The following KIF17 variants were observed in gnomAD, a reference collection of about 807,000 sequenced individuals.
KIF17 encodes kinesin family member 17.
A neutral mutation model predicts 96.8 loss-of-function variants in KIF17; 80 were observed. The observed-to-expected ratio is 0.83, with a 90% CI of 0.69 to 1.00. KIF17 has a LOEUF of 1.00. Among genes scored for constraint, KIF17 ranks in the 50% least tolerant of loss-of-function variants. The pLI is 0.00. For synonymous variants in KIF17, 567 were observed against 587.5 expected, an observed-to-expected ratio of 0.97 and a Z score of 0.51; for missense variants, 1,280 against 1,372.9, an observed-to-expected ratio of 0.93 and a Z score of 1.07.
Position 20,687,087 on chromosome 1 carries a change from A to G in KIF17, c.1938+301T>C, listed in dbSNP as rs571900151. 2.6e-5 allele frequency among the ~76,000 whole-genome samples: 4 copies of G among 152,170 alleles called. No homozygotes were observed. Among genetic ancestry groups the G allele is most frequent in the Non-Finnish European group, 5.9e-5 (4 of 68,034 alleles). ...TCACTGTAACCATGGCAACTGGGCA[A>G]ACGCCCTGTACAGCTGTCCCTCCAT... On this transcript the variant is annotated intron_variant, in intron 8 of 14. Transcript: ENST00000400463. The surrounding 1 kb of genome is among the most constrained non-coding windows in gnomAD (Gnocchi z 4.4).
At position 20,673,849 on chromosome 1, in the gene KIF17, G is replaced by A. The variant is rs2053691520; in HGVS notation, c.2464-1653C>T. On this transcript the variant is annotated intron_variant, in intron 11 of 14. Coordinates refer to ENST00000400463, the MANE Select transcript of KIF17 (RefSeq NM_001122819.3). ...CGGCCCTGCTCCATTTCTTAGACTG[G>A]GTAGTAAGCACGTGGTGTTAGTGGG... Among the ~76,000 whole-genome samples, 7 of 151,956 alleles carry A rather than the reference G, an allele frequency of 4.6e-5. 1 individual carries two copies. In the South Asian group the frequency reaches 1.5e-3, roughly 32 times the overall value.
chr1:20,686,637 C>T (rs1460367001), intron 8 of KIF17, among the ~76,000 whole-genome samples: 2 of 152,132 alleles, frequency 1.3e-5, no homozygotes, highest in East Asian at 3.9e-4. Context: ...CTCACTGCAA[C>T]CTCCGTCTCC....
intron 11 of KIF17, among the ~76,000 whole-genome samples, chr1:20,676,102 C>T (rs1260121195): frequency 6.6e-6 from 1 of 152,106 alleles, no homozygotes; most frequent in Non-Finnish European, 1.5e-5. Flanking sequence ...TAAACTCTAA[C>T]TAGATCATTA....
At chr1:20,675,166 G>T (rs1289003477) in intron 11 of KIF17, among the ~76,000 whole-genome samples, 2 of 142,182 alleles carry the variant, frequency 1.4e-5, no homozygotes, top group Non-Finnish European at 3.0e-5. Context: ...AAAAAAAAAG[G>T]GCCGGGTGCG....
chr1:20,716,625 G>A (rs990884571), intron 1 of KIF17, among the ~76,000 whole-genome samples: 1 of 152,198 alleles, frequency 6.6e-6, no homozygotes, highest in Non-Finnish European at 1.5e-5. Context: ...CCAGGCTGAG[G>A]GGTCAGCTTG....
At chr1:20,682,367 T>G (rs2053844784) in intron 11 of KIF17, among the ~76,000 whole-genome samples, 1 of 151,976 alleles carries the variant, frequency 6.6e-6, no homozygotes, top group African/African-American at 2.4e-5. Context: ...TCCAAAAAAT[T>G]TAATAAAGTA....
intron 13 of KIF17, among the ~76,000 whole-genome samples, chr1:20,667,913 G>A (rs1476193799): frequency 6.6e-6 from 1 of 152,196 alleles, no homozygotes; most frequent in African/African-American, 2.4e-5. Context: ...TGGAGGCTGA[G>A]GCAAGAGGAT....
At chr1:20,707,219 A>T (rs2054358159) in intron 4 of KIF17, among the ~76,000 whole-genome samples, 1 of 152,204 alleles carries the variant, frequency 6.6e-6, no homozygotes, top group South Asian at 2.1e-4. Context: ...ACCGAGTCTG[A>T]GGAAATGACT....
At chr1:20,691,895 C>T (rs2054045752) in intron 6 of KIF17, among the ~76,000 whole-genome samples, 1 of 152,206 alleles carries the variant, frequency 6.6e-6, no homozygotes, top group Admixed American at 6.5e-5. Context: ...TGGTCCTCAA[C>T]CCATCAATGA....
Position 20,690,352 on chromosome 1 carries a change from G to GGGCCGCC in KIF17, c.1234-18_1234-17insGGCGGCC. 6.6e-6 allele frequency: 3 copies of GGGCCGCC among 451,160 alleles called. No homozygotes were observed. The highest frequency in any genetic ancestry group is 1.3e-5 in the Non-Finnish European group (3 of 235,142). 27.9% of individuals were successfully genotyped at this position (451,160 alleles called of 1,614,324 possible). On this transcript the variant is annotated splice_polypyrimidine_tract_variant and intron_variant, in intron 6 of 14. Coordinates refer to ENST00000400463, the MANE Select transcript of KIF17 (RefSeq NM_001122819.3). ...TTCATACTCCTGGGGGGGTGGGAGG[G>GGGCCGCC]ACCAGAGGGCAGGCAGCATTTTATC... is the stretch of plus-strand genomic sequence containing the variant.
At chr1:20,683,821 G>C (rs999189785) in intron 10 of KIF17, among the ~76,000 whole-genome samples, 1 of 152,162 alleles carries the variant, frequency 6.6e-6, no homozygotes. Flanking sequence ...GCCCGGGCCG[G>C]GTCCCACCTC....
intron 11 of KIF17, among the ~76,000 whole-genome samples, chr1:20,674,463 C>G (rs964318038): frequency 2.0e-5 from 3 of 152,070 alleles, no homozygotes; most frequent in African/African-American, 4.8e-5. Context: ...AGGGTTTCCC[C>G]CATGTTGTCC....
intron 11 of KIF17, among the ~76,000 whole-genome samples, chr1:20,679,323 T>A (rs1265837649): frequency 4.6e-5 from 7 of 151,300 alleles, no homozygotes; most frequent in South Asian, 2.1e-4. Flanking sequence ...ATAATAATAA[T>A]AAAAAAATTA....
At chr1:20,677,104 G>A (rs1475916088) in intron 11 of KIF17, among the ~76,000 whole-genome samples, 8 of 152,284 alleles carry the variant, frequency 5.3e-5, no homozygotes, top group African/African-American at 1.4e-4. Flanking sequence ...CCAGCTATTC[G>A]GGAGGCTGAG....
intron 11 of KIF17, among the ~76,000 whole-genome samples, chr1:20,675,150 CAAA>C (rs35262169): frequency 3.5e-5 from 4 of 115,776 alleles, no homozygotes; most frequent in Admixed American, 9.2e-5. Context: ...GACTCCATCT[CAAA>C]AAAAAAAAAA....
Position 20,717,698 on chromosome 1 carries a change from G to A in KIF17, c.9C>T (p.Ser3=). 6.3e-7 allele frequency: 1 copy of A among 1,588,780 alleles called. No homozygotes were observed. The highest frequency in any genetic ancestry group is 8.5e-7 in the Non-Finnish European group (1 of 1,173,982). Residue 3 remains serine, a synonymous_variant, in exon 1 of 15, where the codon TCC becomes TCT. Transcript: ENST00000400463. The part of the protein sequence containing the change: MA[S]EAVKVVVRCR... ...AGCGCACGACAACCTTCACCGCCTC[G>A]GAGGCCATGGCGCCGCGCCCAGGAC...
Position 20,666,197 on chromosome 1 carries a change from A to T in KIF17, c.2908+17T>A. 6.4e-7 allele frequency: 1 copy of T among 1,570,214 alleles called. No homozygotes were observed. Among genetic ancestry groups the T allele is most frequent in the Non-Finnish European group, 8.8e-7 (1 of 1,140,014 alleles). ...CCAGTTGTGTGGAGAGGGTGGGGAC[A>T]GGGGAGGGACACTCACTGAGGCTCT... On this transcript the variant is annotated intron_variant, in intron 14 of 14. Coordinates refer to ENST00000400463, the MANE Select transcript of KIF17 (RefSeq NM_001122819.3).
chr1:20,685,049 G>A lies in KIF17; in HGVS notation c.2020-29C>T, dbSNP rs762662681. The A allele has an allele frequency of 4.5e-6, 7 of 1,548,846 alleles. No individual in the cohort carries two copies. The highest frequency in any genetic ancestry group is 5.3e-6 in the Non-Finnish European group (6 of 1,141,496). On this transcript the variant is annotated intron_variant, in intron 9 of 14. Coordinates refer to ENST00000400463, the MANE Select transcript of KIF17 (RefSeq NM_001122819.3). This position sits in a 1 kb window ranked among gnomAD's most constrained non-coding sequence, Gnocchi z 4.1. Reference sequence around the variant, plus strand: ...AGTGTGAAGAGAAACCCAGGTGGAGGTGGGAAGGCCGCCCCAACCCCCGCC... The same window carrying A: ...AGTGTGAAGAGAAACCCAGGTGGAGATGGGAAGGCCGCCCCAACCCCCGCC...
downstream of KIF17, among the ~76,000 whole-genome samples, chr1:20,663,282 G>A (rs1022119436): frequency 5.3e-5 from 8 of 152,100 alleles, no homozygotes; most frequent in African/African-American, 1.9e-4. Context: ...GACTCAGGAC[G>A]TACTGCTGCC....
Sources: allele counts gnomAD v4.1 joint callset (sites outside exome capture counted in the v4.1 genomes callset), GRCh38; gene constraint gnomAD v4.1.1; non-coding constraint Gnocchi (gnomAD v3.1); transcripts MANE v1.5; gene names NCBI Gene and HGNC (gene_info 2026-07-23, HGNC 2026-07-21).